Variants in CACNA2D1 observed in about 807,000 individuals in gnomAD.
CACNA2D1 encodes the protein calcium voltage-gated channel auxiliary subunit alpha2delta 1.
In CACNA2D1, 53 loss-of-function variants were observed where a neutral mutation model predicts 171.5. That is an observed-to-expected ratio of 0.31 (90% CI 0.25 to 0.39). The LOEUF is 0.39. Among genes scored for constraint, CACNA2D1 ranks in the 10% least tolerant of loss-of-function variants. CACNA2D1 has a pLI of 1.00. For synonymous variants in CACNA2D1, 442 were observed against 443.1 expected, an observed-to-expected ratio of 1.00 and a Z score of 0.03; for missense variants, 903 against 1,299.8, an observed-to-expected ratio of 0.69 and a Z score of 4.69.
At chr7:82,148,509 C>T (rs561466337) in intron 4 of CACNA2D1, among the ~76,000 whole-genome samples, 1 of 152,028 alleles carries the variant, frequency 6.6e-6, no homozygotes, top group South Asian at 2.1e-4. Flanking sequence ...GAGAAATTTG[C>T]CACATTTTCT....
chr7:82,113,229 C>T (rs1373929284), intron 6 of CACNA2D1, among the ~76,000 whole-genome samples: 2 of 151,932 alleles, frequency 1.3e-5, no homozygotes, highest in Non-Finnish European at 2.9e-5. Context: ...TACAAATTTC[C>T]ATTTAAAATA....
intron 3 of CACNA2D1, among the ~76,000 whole-genome samples, chr7:82,303,772 A>G: frequency 6.6e-6 from 1 of 152,166 alleles, no homozygotes; most frequent in East Asian, 1.9e-4. Flanking sequence ...ACTACAAGAG[A>G]AGATAGGGGA....
rs1311816707 is a variant in CACNA2D1 at position 82,433,281 on chromosome 7, G to C, written c.95+10084C>G. On this transcript the variant is annotated intron_variant, in intron 1 of 38. Coordinates refer to ENST00000356860, the MANE Select transcript of CACNA2D1 (RefSeq NM_000722.4). ...AGGAAAGAAGTAAATGAAAAATAAA[G>C]ACAAGTGAGAACCAAATGTTGCTGT... Among the ~76,000 whole-genome samples, 4 of 151,874 alleles carry C rather than the reference G, an allele frequency of 2.6e-5. No individual in the cohort carries two copies. In the East Asian group the frequency reaches 7.7e-4, roughly 29 times the overall value.
At chr7:82,404,906 T>C (rs1191061162) in intron 1 of CACNA2D1, among the ~76,000 whole-genome samples, 1 of 152,226 alleles carries the variant, frequency 6.6e-6, no homozygotes, top group Non-Finnish European at 1.5e-5. Flanking sequence ...ACTAAATTTA[T>C]ATTTACTTGG....
chr7:81,959,641 T>C (rs1259036869), intron 37 of CACNA2D1, 79 bp downstream of exon 37: 3 of 1,419,242 alleles, frequency 2.1e-6, no homozygotes, highest in African/African-American at 2.8e-5. Context: ...TTTCTCTTTA[T>C]GAATATAAAC....
At chr7:82,015,867 C>A (rs1800379384) in intron 12 of CACNA2D1, among the ~76,000 whole-genome samples, 2 of 152,096 alleles carry the variant, frequency 1.3e-5, no homozygotes, top group African/African-American at 4.8e-5. Flanking sequence ...TATAACAATC[C>A]CTGCCCCCAA....
intron 6 of CACNA2D1, among the ~76,000 whole-genome samples, chr7:82,094,794 A>G (rs900816403): frequency 6.8e-6 from 1 of 146,518 alleles, no homozygotes; most frequent in African/African-American, 2.6e-5. Context: ...AAAAGATAAT[A>G]GAGGATGGTA....
chr7:81,982,488 C>A, intron 24 of CACNA2D1, 79 bp downstream of exon 24: 1 of 800,742 alleles, frequency 1.2e-6, no homozygotes, highest in Admixed American at 1.7e-5. Context: ...TAACCCAGAG[C>A]AGTCTTGACT....
intron 10 of CACNA2D1, among the ~76,000 whole-genome samples, chr7:82,048,200 A>G (rs558251783): frequency 6.6e-6 from 1 of 152,334 alleles, no homozygotes; most frequent in East Asian, 1.9e-4. Context: ...AATTTAACTC[A>G]GTTCCACTGA....
chr7:82,017,308 T>G (rs1229193394), intron 12 of CACNA2D1, among the ~76,000 whole-genome samples: 3 of 152,158 alleles, frequency 2.0e-5, no homozygotes, highest in Admixed American at 6.5e-5. Context: ...TAAAAAAATT[T>G]CATTCCCTAG....
At chr7:82,382,035 A>T (rs549525877) in intron 1 of CACNA2D1, among the ~76,000 whole-genome samples, 26 of 152,334 alleles carry the variant, frequency 1.7e-4, no homozygotes, top group African/African-American at 6.0e-4. Context: ...TAAGAAAAAA[A>T]CATATCAGGG....
At chr7:82,286,304 T>G (rs10225267) in intron 3 of CACNA2D1, among the ~76,000 whole-genome samples, 16,491 of 151,982 alleles carry the variant, frequency 0.11, 2,911 homozygotes, top group African/African-American at 0.37. Context: ...TGTTGGTGCT[T>G]GTCCTCTGCT....
chr7:82,433,340 T>C (rs1829868442), intron 1 of CACNA2D1, among the ~76,000 whole-genome samples: 1 of 152,190 alleles, frequency 6.6e-6, no homozygotes, highest in Non-Finnish European at 1.5e-5. Flanking sequence ...ACTGGAGTCT[T>C]GTTACTACCA....
intron 1 of CACNA2D1, among the ~76,000 whole-genome samples, chr7:82,420,893 G>A (rs752901334): frequency 6.6e-6 from 1 of 150,760 alleles, no homozygotes; most frequent in Non-Finnish European, 1.5e-5. Context: ...AGTCCTTTAT[G>A]GATAACACAT....
At chr7:82,297,876 C>T (rs947159620) in intron 3 of CACNA2D1, among the ~76,000 whole-genome samples, 19 of 152,110 alleles carry the variant, frequency 1.2e-4, no homozygotes, top group African/African-American at 4.6e-4. Flanking sequence ...CCTTAAGTTT[C>T]CTCAATTATT....
intron 2 of CACNA2D1, among the ~76,000 whole-genome samples, chr7:82,336,520 A>C (rs1483868905): frequency 6.6e-6 from 1 of 152,184 alleles, no homozygotes; most frequent in Non-Finnish European, 1.5e-5. Context: ...TGAACTTATA[A>C]GTTTTCACTC....
chr7:82,117,008 T>A (rs776063992), intron 6 of CACNA2D1, 36 bp downstream of exon 6: 1 of 1,610,242 alleles, frequency 6.2e-7, no homozygotes, highest in African/African-American at 1.3e-5. Flanking sequence ...GGCGAGAGCA[T>A]GGTATTCCAA....
At chr7:82,150,278 AC>A (rs111739468) in intron 4 of CACNA2D1, among the ~76,000 whole-genome samples, 34,637 of 92,294 alleles carry the variant, frequency 0.38, 6,652 homozygotes, top group African/African-American at 0.6. Context: ...AACAAAAACA[AC>A]AACAAAAAAA....
chr7:82,311,436 G>C (rs1814454179), intron 3 of CACNA2D1, among the ~76,000 whole-genome samples: 1 of 151,520 alleles, frequency 6.6e-6, no homozygotes, highest in Non-Finnish European at 1.5e-5. Flanking sequence ...ATTACATTTA[G>C]CTGAACTGAT....
Sources: allele counts gnomAD v4.1 joint callset (sites outside exome capture counted in the v4.1 genomes callset), GRCh38; gene constraint gnomAD v4.1.1; transcripts MANE v1.5; gene names NCBI Gene and HGNC (gene_info 2026-07-23, HGNC 2026-07-21).